SGCZ: variants seen among roughly 807,000 people sequenced by gnomAD.
The protein encoded by SGCZ is zeta-sarcoglycan.
A neutral mutation model predicts 41.3 loss-of-function variants in SGCZ; 40 were observed. That is an observed-to-expected ratio of 0.97 (90% CI 0.75 to 1.26). The LOEUF (loss-of-function observed/expected upper bound fraction) is 1.26, where lower values mean the gene tolerates loss of function less well. Ranked by LOEUF, SGCZ falls within the 50% of genes most tolerant of loss-of-function variation. SGCZ has a pLI of 0.00. For missense variants in SGCZ, 552 were observed against 369.8 expected (o/e 1.49, Z -4.04); for synonymous variants, 206 against 137.5 (o/e 1.50, Z -3.49).
At chr8:14,482,668 C>T (rs12549209) in intron 2 of SGCZ, among the ~76,000 whole-genome samples, 111,141 of 151,552 alleles carry the variant, frequency 0.73, 41,642 homozygotes, top group East Asian at 0.95. Context: ...TTAGCATCTG[C>T]GAAATAAGTA....
In SGCZ at chr8:14,663,530, T is replaced by C. The variant is rs558689308; in HGVS notation, c.40-108604A>G. On this transcript the variant is annotated intron_variant, in intron 1 of 7. Coordinates refer to ENST00000382080, the MANE Select transcript of SGCZ (RefSeq NM_139167.4). ...GTCTAACCTCTCTGTGCATGCCTCC[T>C]ATCTGTAAATGAAAATAATAAGGGT... is the stretch of plus-strand genomic sequence containing the variant. Among the ~76,000 whole-genome samples, 9 of 152,272 alleles carry C rather than the reference T, an allele frequency of 5.9e-5. 1 individual carries two copies. In the South Asian group the frequency reaches 1.4e-3, roughly 25 times the overall value.
At chr8:14,467,176 C>A (rs980558478) in intron 2 of SGCZ, among the ~76,000 whole-genome samples, 1 of 151,858 alleles carries the variant, frequency 6.6e-6, no homozygotes, top group Non-Finnish European at 1.5e-5. Flanking sequence ...TTCTCCTGGA[C>A]ATTCATAATA....
chr8:14,157,480 C>A (rs1362542542), intron 5 of SGCZ, among the ~76,000 whole-genome samples: 1 of 150,464 alleles, frequency 6.6e-6, no homozygotes, highest in East Asian at 2.0e-4. Flanking sequence ...TACTCTCTAA[C>A]ACAGGAGACT....
intron 1 of SGCZ, among the ~76,000 whole-genome samples, chr8:14,703,866 A>T (rs935936692): frequency 1.3e-5 from 2 of 152,038 alleles, no homozygotes; most frequent in Non-Finnish European, 2.9e-5. Context: ...AAAATTGCTA[A>T]TTTAATAAGC....
intron 1 of SGCZ, among the ~76,000 whole-genome samples, chr8:14,933,947 C>T (rs1186835431): frequency 3.3e-5 from 5 of 151,850 alleles, no homozygotes; most frequent in Admixed American, 6.6e-5. Flanking sequence ...TTAATCTTTA[C>T]GGTGGGTGGA....
chr8:14,778,395 A>G (rs529948875), intron 1 of SGCZ, among the ~76,000 whole-genome samples: 1 of 152,294 alleles, frequency 6.6e-6, no homozygotes, highest in East Asian at 1.9e-4. Context: ...TTAAAATCAT[A>G]TGCATGAATT....
intron 5 of SGCZ, among the ~76,000 whole-genome samples, chr8:14,150,902 T>C (rs889422053): frequency 6.6e-6 from 1 of 152,148 alleles, no homozygotes; most frequent in Admixed American, 6.5e-5. Context: ...GATCACTGTG[T>C]TAAGTGAACT....
chr8:14,799,158 T>C (rs1410199559), intron 1 of SGCZ, among the ~76,000 whole-genome samples: 1 of 152,060 alleles, frequency 6.6e-6, no homozygotes, highest in Admixed American at 6.6e-5. Context: ...GGAAAAAAGA[T>C]ATAACAATAA....
chr8:14,341,997 G>A (rs1259177464), intron 2 of SGCZ, among the ~76,000 whole-genome samples: 2 of 152,156 alleles, frequency 1.3e-5, no homozygotes, highest in Non-Finnish European at 2.9e-5. Flanking sequence ...CCTAAAATGA[G>A]GAAGTGACTT....
intron 1 of SGCZ, among the ~76,000 whole-genome samples, chr8:14,681,739 AC>A (rs1400473196): frequency 6.6e-6 from 1 of 152,032 alleles, no homozygotes; most frequent in Non-Finnish European, 1.5e-5. Context: ...TATTTCATCA[AC>A]CCTTCTTCTT....
At chr8:14,954,619 G>C (rs1800738239) in intron 1 of SGCZ, among the ~76,000 whole-genome samples, 1 of 152,120 alleles carries the variant, frequency 6.6e-6, no homozygotes, top group South Asian at 2.1e-4. Context: ...CCAAAGAAGA[G>C]GTAAGGGGCA....
chr8:14,301,841 T>C (rs1488178878), intron 3 of SGCZ, among the ~76,000 whole-genome samples: 1 of 152,178 alleles, frequency 6.6e-6, no homozygotes. Context: ...CATCTATCTC[T>C]TTTAGAAAAT....
At position 15,141,730 on chromosome 8, in the gene SGCZ, C is replaced by G. The variant is rs189296355; in HGVS notation, c.39+95855G>C. Reference sequence around the variant, plus strand: ...CATCCTGGCTAACACGGTGAAACCCCGTCTCTACCAAAACTACAAAAATCA... The same window carrying G: ...CATCCTGGCTAACACGGTGAAACCCGGTCTCTACCAAAACTACAAAAATCA... On this transcript the variant is annotated intron_variant, in intron 1 of 7. Coordinates refer to ENST00000382080, the MANE Select transcript of SGCZ (RefSeq NM_139167.4). Among the ~76,000 whole-genome samples, 720 of 152,164 alleles carry G rather than the reference C, an allele frequency of 4.7e-3. 5 individuals are homozygous for G. The highest frequency in any genetic ancestry group is 0.017 in the African/African-American group (686 of 41,528).
chr8:14,539,728 G>GTTGT (rs1803401983), intron 2 of SGCZ, among the ~76,000 whole-genome samples: 1 of 149,344 alleles, frequency 6.7e-6, no homozygotes, highest in African/African-American at 2.5e-5. Flanking sequence ...CCCAGTGTGT[G>GTTGT]TTGTTCCCCT....
At chr8:14,654,272 G>C (rs942837456) in intron 1 of SGCZ, among the ~76,000 whole-genome samples, 2 of 151,624 alleles carry the variant, frequency 1.3e-5, no homozygotes, top group Non-Finnish European at 2.9e-5. Context: ...GGAATGTTTA[G>C]GAGCCAGCCC....
intron 1 of SGCZ, among the ~76,000 whole-genome samples, chr8:14,596,342 T>C (rs870615): frequency 0.19 from 28,547 of 152,108 alleles, 3,497 homozygotes; most frequent in Non-Finnish European, 0.28. Flanking sequence ...AGAGCAAATA[T>C]GAAGGAAGAC....
rs184884163 is a variant in SGCZ at position 14,396,782 on chromosome 8, G to A, written c.235-72578C>T. Among the ~76,000 whole-genome samples the A allele has an allele frequency of 3.2e-3, 480 of 151,922 alleles. 3 individuals are homozygous for A. Among genetic ancestry groups the A allele is most frequent in the African/African-American group, 0.011 (446 of 41,434 alleles). On this transcript the variant is annotated intron_variant, in intron 2 of 7. Transcript: ENST00000382080. ...ACGAGATAGTGAGCTTTCAGTTGAC[G>A]CTAGTCATGCTGTCATTTCTCCTAT...
intron 1 of SGCZ, among the ~76,000 whole-genome samples, chr8:14,814,242 C>A (rs1585284367): frequency 6.6e-6 from 1 of 152,140 alleles, no homozygotes; most frequent in African/African-American, 2.4e-5. Flanking sequence ...ATTTTAAAAG[C>A]CTTAGGGGAC....
chr8:15,080,778 G>C (rs987841011), intron 1 of SGCZ, among the ~76,000 whole-genome samples: 3 of 151,976 alleles, frequency 2.0e-5, no homozygotes, highest in African/African-American at 7.2e-5. Flanking sequence ...ATTTTTAGTA[G>C]AATCGGGGTT....
Sources: gnomAD v4.1 joint callset for allele counts (sites outside exome capture counted in the v4.1 genomes callset) on GRCh38, gnomAD v4.1.1 for gene constraint, MANE v1.5 for transcripts, NCBI Gene and HGNC (gene_info 2026-07-23, HGNC 2026-07-21) for gene names.